PNPLA6: variants seen among roughly 807,000 people sequenced by gnomAD.
PNPLA6 encodes patatin-like phospholipase domain-containing protein 6.
Under a neutral mutation model 153.7 loss-of-function variants are expected in PNPLA6, and 105 were observed. The observed-to-expected ratio is 0.68, with a 90% confidence interval of 0.58 to 0.80. The LOEUF is 0.80. PNPLA6 is among the 30% of genes least tolerant of loss of function. PNPLA6 has a pLI of 0.00. For missense variants in PNPLA6, 1,423 were observed against 1,919.3 expected (o/e 0.74, Z 4.83); for synonymous variants, 825 against 822.2 (o/e 1.00, Z -0.06).
chr19:7,560,503 T>C, intron 28 of PNPLA6, 145 bp from the exon 29 acceptor site: 2 of 710,124 alleles, frequency 2.8e-6, no homozygotes, highest in Admixed American at 2.0e-5. Context: ...GAGTGTGCTA[T>C]GTGCAGCTGA....
In PNPLA6 at chr19:7,541,005, C is replaced by A. The variant is rs1441967962; in HGVS notation, c.878C>A (p.Ser293Tyr). 1.9e-6 allele frequency: 3 copies of A among 1,611,198 alleles called. No individual in the cohort carries two copies. Among genetic ancestry groups the A allele is most frequent in the Non-Finnish European group, 2.5e-6 (3 of 1,179,322 alleles). Reference sequence around the variant, plus strand: ...CTGCGCCTGCCGGTGGAAGCATTCTCCGCGGTCTTCACCAAGTACCCGGAG... The same window carrying A: ...CTGCGCCTGCCGGTGGAAGCATTCTACGCGGTCTTCACCAAGTACCCGGAG... ...TVLRLPVEAFSAVFTKYPESL... is the reference protein window; with the variant it reads ...TVLRLPVEAFYAVFTKYPESL... The change falls in exon 7 of 32, where the codon TCC (serine) becomes TAC (tyrosine). Residue 293 changes from serine (S) to tyrosine (Y), a missense_variant. Coordinates refer to ENST00000600737, the MANE Select transcript of PNPLA6 (RefSeq NM_001166114.2). This position sits in a 1 kb window ranked among gnomAD's most constrained non-coding sequence, Gnocchi z 5.2.
chr19:7,542,514 C>T, intron 10 of PNPLA6, 47 bp from the exon 11 acceptor site: 1 of 1,436,490 alleles, frequency 7.0e-7, no homozygotes, highest in Non-Finnish European at 9.8e-7. Flanking sequence ...TTTTAAAAAT[C>T]TTACTCTCAT....
chr19:7,542,741 C>A lies in PNPLA6; in HGVS notation c.1363-20C>A. 1 of 1,612,782 alleles carries A rather than the reference C, an allele frequency of 6.2e-7. No individual in the cohort carries two copies. Among genetic ancestry groups the A allele is most frequent in the South Asian group, 1.1e-5 (1 of 91,064 alleles). Reference sequence around the variant, plus strand: ...TGGCTGGGAGGGAGCATCAGGAGGTCACAAGCCTGCCCCACTCAGACCCCC... The same window carrying A: ...TGGCTGGGAGGGAGCATCAGGAGGTAACAAGCCTGCCCCACTCAGACCCCC... On this transcript the variant is annotated intron_variant, in intron 11 of 31. Transcript: ENST00000600737.
In PNPLA6 at chr19:7,539,906, C is replaced by T. The variant is rs1360560485; in HGVS notation, c.414-12C>T. On this transcript the variant is annotated splice_polypyrimidine_tract_variant and intron_variant, in intron 3 of 31. Transcript: ENST00000600737. The stretch of plus-strand genomic sequence containing the variant: ...GCCCCCCTCACCCCCGGCACCCCTC[C>T]CCTCCCACCAGGATCCTGCGCATCC... The T allele has an allele frequency of 3.3e-6, 5 of 1,535,496 alleles. No individual in the cohort carries two copies. The highest frequency in any genetic ancestry group is 2.7e-5 in the African/African-American group (2 of 73,048).
At chr19:7,552,123 C>G (rs1442044285) in intron 18 of PNPLA6, among the ~76,000 whole-genome samples, 1 of 152,162 alleles carries the variant, frequency 6.6e-6, no homozygotes, top group Admixed American at 6.5e-5. Flanking sequence ...AAAAATAAAA[C>G]AGCAAACAAA....
chr19:7,553,785 T>G, intron 18 of PNPLA6, 90 bp from the exon 19 acceptor site: 1 of 1,542,336 alleles, frequency 6.5e-7, no homozygotes, highest in South Asian at 1.1e-5. Flanking sequence ...GAATTTCAGA[T>G]AAGGAGGAAG....
rs769621958 is a variant in PNPLA6, at chr19:7,535,807, G to C, written c.19G>C (p.Gly7Arg). 24 of 1,536,358 alleles carry C rather than the reference G, an allele frequency of 1.6e-5. No individual in the cohort carries two copies. The highest frequency in any genetic ancestry group is 2.0e-5 in the Non-Finnish European group (23 of 1,146,458). ...TCTGCAGATGGGGACATCGAGTCAC[G>C]GGCTGGCTACGAACTCCTCGGGGGC... Reference protein sequence around the residue: MGTSSHGLATNSSGAKV... With the variant: MGTSSHRLATNSSGAKV... The change falls in exon 1 of 32, where the codon GGG (glycine) becomes CGG (arginine). Residue 7 changes from glycine to arginine, a missense_variant. Physicochemically the swap from Gly to Arg is moderately radical, Grantham distance 125. This residue lies in a region of PNPLA6 where 109 missense variants were observed against 109.4 expected (regional missense o/e 1.00). Coordinates refer to ENST00000600737, the MANE Select transcript of PNPLA6 (RefSeq NM_001166114.2). This position sits in a 1 kb window ranked among gnomAD's most constrained non-coding sequence, Gnocchi z 5.0.
At position 7,554,991 on chromosome 19, in the gene PNPLA6, G is replaced by A. The variant is rs1555750084; in HGVS notation, c.2733G>A (p.Trp911Ter). Residue 911 changes from tryptophan (W) to a stop codon, truncating the protein, a stop_gained, in exon 22 of 32, where the codon TGG becomes TGA. Transcript: ENST00000600737. LOFTEE classifies it high-confidence loss of function. ...EGAGPTRTVE[W>*]LNMRSWCSGH... ...CGGGCCCCACGCGCACCGTGGAGTG[G>A]CTAAATATGCGCAGCTGGTGCTCGG... The A allele has an allele frequency of 6.3e-7, 1 of 1,594,106 alleles. No individual in the cohort carries two copies. Among genetic ancestry groups the A allele is most frequent in the Non-Finnish European group, 8.5e-7 (1 of 1,177,846 alleles).
Position 7,559,150 on chromosome 19 carries a change from A to G in PNPLA6, c.3698A>G (p.Tyr1233Cys), listed in dbSNP as rs777550870. The G allele has an allele frequency of 4.3e-6, 7 of 1,613,842 alleles. No individual in the cohort carries two copies. Among genetic ancestry groups the G allele is most frequent in the South Asian group, 3.3e-5 (3 of 91,086 alleles). Residue 1233 changes from tyrosine (Y) to cysteine (C), a missense_variant and splice_region_variant, in exon 28 of 32, where the codon TAT becomes TGT. Transcript: ENST00000600737. The part of the protein sequence containing the change: ...TMDFGKFDQI[Y>C]DVGYQYGKAV... ...GACTTTGGGAAGTTCGACCAGATCT[A>G]TGTGAGTGGGCAGGAGTGGCATGGT...
intron 13 of PNPLA6, among the ~76,000 whole-genome samples, chr19:7,548,365 C>A (rs865978575): frequency 1.3e-5 from 2 of 149,934 alleles, no homozygotes; most frequent in South Asian, 4.3e-4. Flanking sequence ...ACCAAAAAAC[C>A]CCACTAAAGA....
At chr19:7,556,362 C>T in intron 24 of PNPLA6, 91 bp from the exon 25 acceptor site, 2 of 830,820 alleles carry the variant, frequency 2.4e-6, no homozygotes, top group Admixed American at 1.7e-5. Context: ...GCACCTGGCC[C>T]CTAAGTGCTG....
intron 13 of PNPLA6, among the ~76,000 whole-genome samples, chr19:7,549,064 A>G (rs1323390463): frequency 6.6e-6 from 1 of 151,202 alleles, no homozygotes; most frequent in Non-Finnish European, 1.5e-5. Flanking sequence ...AGGCCTCCCA[A>G]AGTGTTGGGA....
chr19:7,536,054 TA>T (rs2022851882), intron 1 of PNPLA6, 34 bp downstream of exon 1: 1 of 1,579,402 alleles, frequency 6.3e-7, no homozygotes, highest in Non-Finnish European at 8.6e-7. Flanking sequence ...TGGGAGGCTG[TA>T]TGGTGGGGGG....
rs1057518936 is a variant in PNPLA6, at chr19:7,541,025, C to A, written c.898C>A (p.Pro300Thr). 3.1e-6 allele frequency: 5 copies of A among 1,610,758 alleles called. No individual in the cohort carries two copies. Among genetic ancestry groups the A allele is most frequent in the Non-Finnish European group, 4.2e-6 (5 of 1,179,174 alleles). Residue 300 changes from proline to threonine, a missense_variant, in exon 7 of 32, where the codon CCG (proline) becomes ACG (threonine). This residue lies in a region of PNPLA6 where 118 missense variants were observed against 158.8 expected (regional missense o/e 0.74). Coordinates refer to ENST00000600737, the MANE Select transcript of PNPLA6 (RefSeq NM_001166114.2). The surrounding 1 kb of genome is among the most constrained non-coding windows in gnomAD (Gnocchi z 5.2). ...EAFSAVFTKY[P>T]ESLVRVVQII... is the part of the protein sequence containing the mutation. The stretch of plus-strand genomic sequence containing the variant: ...ATTCTCCGCGGTCTTCACCAAGTAC[C>A]CGGAGAGCTTGGTGCGGGTCGTGCA...
At chr19:7,553,753 C>T (rs2023751471) in intron 18 of PNPLA6, 122 bp from the exon 19 acceptor site, 6 of 1,289,232 alleles carry the variant, frequency 4.7e-6, no homozygotes, top group Non-Finnish European at 6.7e-6. Context: ...CTGGGGGCTG[C>T]AGTCTGGGAG....
chr19:7,535,663 T>G (rs7248476), upstream of PNPLA6: 6 of 1,543,644 alleles, frequency 3.9e-6, no homozygotes, highest in Admixed American at 1.9e-5. The surrounding 1 kb of genome is among the most constrained non-coding windows in gnomAD (Gnocchi z 5.0). Flanking sequence ...GCGCATTACG[T>G]GGTCTGGCGA....
rs776332081 is a variant in PNPLA6 at position 7,536,215 on chromosome 19, G to A, written c.257G>A (p.Arg86Gln). Reference sequence around the variant, plus strand: ...GAAACCCCAGCCCCGGATGGCCCCCGGTATCGGTTCCGGAAGAGGGACAAA... The same window carrying A: ...GAAACCCCAGCCCCGGATGGCCCCCAGTATCGGTTCCGGAAGAGGGACAAA... The part of the protein sequence containing the change: ...VPKTPAPDGP[R>Q]YRFRKRDKVL... Residue 86 changes from arginine (R) to glutamine (Q), a missense_variant, in exon 2 of 32, where the codon CGG (arginine) becomes CAG (glutamine). Around this residue, in one of 10 missense-constraint regions of PNPLA6, gnomAD observed 74 missense variants for 171.3 expected, o/e 0.43. Coordinates refer to ENST00000600737, the MANE Select transcript of PNPLA6 (RefSeq NM_001166114.2). The A allele has an allele frequency of 3.1e-6, 5 of 1,613,634 alleles. No homozygotes were observed. The South Asian group carries it at 4.4e-5, about 14-fold the overall frequency.
chr19:7,540,316 G>A lies in PNPLA6; in HGVS notation c.714+8G>A. 1 of 1,601,166 alleles carries A rather than the reference G, an allele frequency of 6.2e-7. No individual in the cohort carries two copies. The highest frequency in any genetic ancestry group is 8.5e-7 in the Non-Finnish European group (1 of 1,176,402). On this transcript the variant is annotated splice_region_variant and intron_variant, in intron 5 of 31. Coordinates refer to ENST00000600737, the MANE Select transcript of PNPLA6 (RefSeq NM_001166114.2). This position sits in a 1 kb window ranked among gnomAD's most constrained non-coding sequence, Gnocchi z 6.8. ...CTCTGTCTGCCAGGGCCTGTGAGTG[G>A]GCCTCCCCAGGGGCTGCTGCAGGAG...
chr19:7,537,207 A>G (rs2022919570), intron 3 of PNPLA6, among the ~76,000 whole-genome samples: 1 of 152,034 alleles, frequency 6.6e-6, no homozygotes, highest in Admixed American at 6.6e-5. Context: ...TCTTCACATG[A>G]GTGGTTTTCT....
Sources: allele counts gnomAD v4.1 joint callset (sites outside exome capture counted in the v4.1 genomes callset), GRCh38; gene constraint gnomAD v4.1.1; regional missense constraint gnomAD v4.1.1; non-coding constraint Gnocchi (gnomAD v3.1); transcripts MANE v1.5; gene names NCBI Gene and HGNC (gene_info 2026-07-23, HGNC 2026-07-21).